Variants in SATB1 observed in about 807,000 individuals in gnomAD.
The protein encoded by SATB1 is DNA-binding protein SATB1.
A neutral mutation model predicts 86.9 loss-of-function variants in SATB1; 11 were observed. That is an observed-to-expected ratio of 0.13 (90% CI 0.08 to 0.21). The LOEUF is 0.21. SATB1 is among the 10% of genes least tolerant of loss of function. The pLI, the probability that SATB1 is intolerant of heterozygous loss-of-function variation, is 1.00. For synonymous variants in SATB1, 357 were observed against 357.2 expected (o/e 1.00, Z 0.01); for missense variants, 551 against 937.6 (o/e 0.59, Z 5.39).
In SATB1 at chr3:18,385,015, A is replaced by T. The variant is rs74899905; in HGVS notation, c.1419+1384T>A. ...TGAAAATGGATTTTGTGACATTTCT[A>T]AAAAGTAATAGTTTCAGAACCTTAT... On this transcript the variant is annotated intron_variant, in intron 8 of 10. Coordinates refer to ENST00000338745, the MANE Select transcript of SATB1 (RefSeq NM_002971.6). 8.3e-3 allele frequency among the ~76,000 whole-genome samples: 1,269 copies of T among 152,336 alleles called. 22 individuals are homozygous for T. The highest frequency in any genetic ancestry group is 0.03 in the African/African-American group (1,232 of 41,564).
At chr3:18,396,700 C>G (rs9283052) in intron 6 of SATB1, among the ~76,000 whole-genome samples, 129,754 of 152,198 alleles carry the variant, frequency 0.85, 55,460 homozygotes, top group East Asian at 0.94. Flanking sequence ...CCATCCATGG[C>G]GGCTGGGGGT....
At chr3:18,362,985 G>C (rs1470028969) in intron 9 of SATB1, among the ~76,000 whole-genome samples, 1 of 151,672 alleles carries the variant, frequency 6.6e-6, no homozygotes, top group Non-Finnish European at 1.5e-5. Flanking sequence ...TTTACTACCA[G>C]GTTGATTTGG....
At chr3:18,417,101 G>GA (rs1698154765) in intron 2 of SATB1, 23 bp from the exon 3 acceptor site, 1 of 1,605,294 alleles carries the variant, frequency 6.2e-7, no homozygotes, top group Non-Finnish European at 8.5e-7. Context: ...TGAAGAAGAA[G>GA]AGATGGAAAA....
upstream of SATB1, among the ~76,000 whole-genome samples, chr3:18,427,211 T>G (rs549114538): frequency 4.5e-4 from 68 of 152,284 alleles, no homozygotes; most frequent in Non-Finnish European, 8.1e-4. Flanking sequence ...AATAGAAATA[T>G]GGTAGGTTAA....
chr3:18,388,772 A>G (rs1414758522), intron 7 of SATB1, among the ~76,000 whole-genome samples: 1 of 152,144 alleles, frequency 6.6e-6, no homozygotes, highest in Non-Finnish European at 1.5e-5. Context: ...AAATTAGATT[A>G]GGGCAAAACA....
chr3:18,359,031 A>G (rs1186893792), intron 9 of SATB1, among the ~76,000 whole-genome samples: 1 of 152,034 alleles, frequency 6.6e-6, no homozygotes, highest in Non-Finnish European at 1.5e-5. Context: ...CTGGAGAAAA[A>G]TTTCTATTAA....
At chr3:18,411,831 T>A (rs548589664) in intron 5 of SATB1, among the ~76,000 whole-genome samples, 1 of 152,084 alleles carries the variant, frequency 6.6e-6, no homozygotes, top group African/African-American at 2.4e-5. Context: ...GTCAATCGAT[T>A]TGGGCAGATT....
intron 9 of SATB1, among the ~76,000 whole-genome samples, chr3:18,370,515 CAAA>C (rs11391230): frequency 1.6e-4 from 8 of 49,440 alleles, no homozygotes; most frequent in African/African-American, 2.9e-4. Flanking sequence ...CTGAGAGAGG[CAAA>C]AAAAAAAAAA....
chr3:18,405,017 G>A (rs886378964), intron 5 of SATB1, among the ~76,000 whole-genome samples: 1 of 151,778 alleles, frequency 6.6e-6, no homozygotes, highest in Non-Finnish European at 1.5e-5. Flanking sequence ...CAATTGTAAC[G>A]CACATTATTC....
chr3:18,429,199 G>A (rs1327256975), upstream of SATB1, among the ~76,000 whole-genome samples: 1 of 152,162 alleles, frequency 6.6e-6, no homozygotes, highest in East Asian at 1.9e-4. The surrounding 1 kb of genome is among the most constrained non-coding windows in gnomAD (Gnocchi z 4.1). Flanking sequence ...GTGTGTCTGA[G>A]CCATATGTTT....
chr3:18,421,751 C>A (rs2125173279), intron 1 of SATB1, among the ~76,000 whole-genome samples: 1 of 151,550 alleles, frequency 6.6e-6, no homozygotes, highest in Non-Finnish European at 1.5e-5. Context: ...TTTAGGTGTC[C>A]ATTAGTAATA....
intron 9 of SATB1, among the ~76,000 whole-genome samples, chr3:18,373,944 A>C (rs1695602485): frequency 6.6e-6 from 1 of 152,224 alleles, no homozygotes; most frequent in Non-Finnish European, 1.5e-5. Flanking sequence ...AAAGTATGTT[A>C]GTCAAACAGA....
chr3:18,407,095 C>G (rs1697576734), intron 5 of SATB1, among the ~76,000 whole-genome samples: 1 of 151,946 alleles, frequency 6.6e-6, no homozygotes, highest in Admixed American at 6.6e-5. Flanking sequence ...ACCTTGGGTG[C>G]TGGGAGTACA....
chr3:18,400,263 G>A (rs897997544), intron 5 of SATB1, among the ~76,000 whole-genome samples: 4 of 152,128 alleles, frequency 2.6e-5, no homozygotes, highest in African/African-American at 9.7e-5. Flanking sequence ...GCACTAAGCT[G>A]TGAGTTCACG....
intron 5 of SATB1, among the ~76,000 whole-genome samples, chr3:18,402,004 AAGAT>A (rs1224848353): frequency 3.9e-5 from 6 of 152,162 alleles, no homozygotes; most frequent in African/African-American, 1.4e-4. Context: ...GCCTAACTTA[AAGAT>A]AGATAGAACA....
chr3:18,444,212 T>A lies in SATB1; in HGVS notation c.-25+1306A>T. 6.6e-6 allele frequency among the ~76,000 whole-genome samples: 1 copy of A among 151,994 alleles called. No homozygotes were observed. The highest frequency in any genetic ancestry group is 2.1e-4 in the South Asian group (1 of 4,794). On this transcript the variant is annotated intron_variant, in intron 1 of 3. Coordinates refer to the SATB1 transcript ENST00000415069. The surrounding 1 kb of genome is among the most constrained non-coding windows in gnomAD (Gnocchi z 5.1). The stretch of plus-strand genomic sequence containing the variant: ...CAGAACGCACCGAGAGGCTCCCCTT[T>A]TCCCCATTTGCTTCCTTCGGTCTTT...
In SATB1 at chr3:18,424,908, G is replaced by C. The variant is rs1209528450; in HGVS notation, c.-1306C>G. ...TGTTGTGACGAGGCCGGGTGTTGCT[G>C]GGTGGCACAGGGAGAGGTGTGTGTG... On this transcript the variant is annotated 5_prime_UTR_variant, in exon 1 of 11. Coordinates refer to ENST00000338745, the MANE Select transcript of SATB1 (RefSeq NM_002971.6). The C allele has an allele frequency of 1.9e-5, 3 of 154,356 alleles. No individual in the cohort carries two copies. Among genetic ancestry groups the C allele is most frequent in the African/African-American group, 4.8e-5 (2 of 41,466 alleles). 9.6% of individuals were successfully genotyped at this position (154,356 alleles called of 1,614,324 possible).
chr3:18,415,279 T>A lies in SATB1; in HGVS notation c.516-45A>T, dbSNP rs764712522. ...GAAAGGGGATTATTACAAGATTGCATCCCGCTGCAGAACATTCCTTTAAGA... is the reference window on the plus strand; with the variant it reads ...GAAAGGGGATTATTACAAGATTGCAACCCGCTGCAGAACATTCCTTTAAGA... On this transcript the variant is annotated intron_variant, in intron 4 of 10. Coordinates refer to ENST00000338745, the MANE Select transcript of SATB1 (RefSeq NM_002971.6). 1.1e-5 allele frequency: 18 copies of A among 1,608,934 alleles called. No homozygotes were observed. In the East Asian group the frequency reaches 1.6e-4, roughly 14 times the overall value.
At chr3:18,360,514 C>T (rs1159732755) in intron 9 of SATB1, among the ~76,000 whole-genome samples, 1 of 144,540 alleles carries the variant, frequency 6.9e-6, no homozygotes, top group African/African-American at 2.5e-5. Flanking sequence ...AATGGGAAAG[C>T]CCTTTCTCCT....
Sources: allele counts gnomAD v4.1 joint callset (sites outside exome capture counted in the v4.1 genomes callset), GRCh38; gene constraint gnomAD v4.1.1; non-coding constraint Gnocchi (gnomAD v3.1); transcripts MANE v1.5; gene names NCBI Gene and HGNC (gene_info 2026-07-23, HGNC 2026-07-21).